The following GNB1L variants were observed in gnomAD, a reference collection of about 807,000 sequenced individuals.
The protein encoded by GNB1L is G protein subunit beta 1 like.
GNB1L carries 20 observed loss-of-function variants against 29.1 expected under a neutral mutation model. That is an observed-to-expected ratio of 0.69 (90% CI 0.48 to 1.00). The LOEUF is 1.00. GNB1L is among the 50% of genes least tolerant of loss of function. The probability of loss-of-function intolerance (pLI) is 0.00; values close to 1 mark genes in which losing one functional copy is unlikely to be tolerated. For synonymous variants in GNB1L, 193 were observed against 206.5 expected (o/e 0.93, Z 0.56); for missense variants, 421 against 464.9 (o/e 0.91, Z 0.87).
chr22:19,831,003 G>T (rs1937671512), intron 2 of GNB1L, among the ~76,000 whole-genome samples: 1 of 152,156 alleles, frequency 6.6e-6, no homozygotes, highest in African/African-American at 2.4e-5. Context: ...GTGGATCTGG[G>T]ATCCATATGT....
chr22:19,820,937 G>A (rs1038779090), intron 3 of GNB1L, among the ~76,000 whole-genome samples: 1 of 152,214 alleles, frequency 6.6e-6, no homozygotes, highest in Non-Finnish European at 1.5e-5. Context: ...AGCCTCTAGG[G>A]GTAACTCAGG....
intron 4 of GNB1L, among the ~76,000 whole-genome samples, chr22:19,815,478 G>T (rs192016753): frequency 5.9e-5 from 9 of 152,318 alleles, no homozygotes; most frequent in African/African-American, 2.2e-4. Context: ...ATGGGGAGGG[G>T]CCAGGGCCAA....
chr22:19,839,576 C>G (rs1247690224), intron 2 of GNB1L, among the ~76,000 whole-genome samples: 1 of 151,770 alleles, frequency 6.6e-6, no homozygotes, highest in African/African-American at 2.4e-5. Context: ...GACCCTGTCT[C>G]TACAAAAAAT....
At position 19,850,741 on chromosome 22, in the gene GNB1L, G is replaced by A. The variant is rs947388224; in HGVS notation, c.-21+3702C>T. The A allele has an allele frequency of 3.2e-6, 4 of 1,240,980 alleles. No individual in the cohort carries two copies. In the African/African-American group the frequency reaches 4.6e-5, roughly 14 times the overall value. The allele number at this position is 1,240,980 out of a possible 1,614,324, so 76.9% of individuals were successfully genotyped here. ...GGACAGACACAGAAACCCCATACAG[G>A]AACGAGGTCCCAACAGGGCAGACGT... On this transcript the variant is annotated intron_variant, in intron 2 of 7. Transcript: ENST00000329517.
intron 2 of GNB1L, chr22:19,848,563 C>G (rs1389591519): frequency 2.0e-6 from 2 of 985,390 alleles, no homozygotes. Context: ...GAAACCTGGA[C>G]ATCACCACTT....
At chr22:19,839,558 C>T (rs935481438) in intron 2 of GNB1L, among the ~76,000 whole-genome samples, 4 of 152,078 alleles carry the variant, frequency 2.6e-5, no homozygotes, top group Non-Finnish European at 4.4e-5. Context: ...GCCTGGGCAA[C>T]ACAGGGAGAC....
chr22:19,846,515 A>G (rs796420167), intron 2 of GNB1L: 2 of 985,480 alleles, frequency 2.0e-6, no homozygotes, highest in African/African-American at 3.5e-5. Flanking sequence ...AAGCCTGCCC[A>G]ATATAGCGCT....
At chr22:19,851,901 G>T in intron 2 of GNB1L, 1 of 1,614,106 alleles carries the variant, frequency 6.2e-7, no homozygotes, top group Non-Finnish European at 8.5e-7. Context: ...TAATCGCCCA[G>T]CTGGGCCAAG....
At chr22:19,803,426 C>T (rs1037313612) in intron 6 of GNB1L, among the ~76,000 whole-genome samples, 2 of 152,140 alleles carry the variant, frequency 1.3e-5, no homozygotes, top group Admixed American at 6.5e-5. Context: ...CCAGAGTCCA[C>T]ATTGTCCCTG....
In GNB1L at chr22:19,796,214, T is replaced by A. The variant is rs187984736; in HGVS notation, c.732+5787A>T. On this transcript the variant is annotated intron_variant, in intron 7 of 7. Transcript: ENST00000329517. ...GACCTCATTCACCAGGAAATCACCA[T>A]TTTAAACTGGCATGTTCCCAGGCCA... Among the ~76,000 whole-genome samples, 353 of 152,348 alleles carry A rather than the reference T, an allele frequency of 2.3e-3. 1 individual carries two copies. Among genetic ancestry groups the A allele is most frequent in the African/African-American group, 7.8e-3 (326 of 41,568 alleles).
In GNB1L at chr22:19,812,432, C is replaced by T. The variant is rs772191755; in HGVS notation, c.270G>A (p.Leu90=). The T allele has an allele frequency of 6.2e-7, 1 of 1,612,812 alleles. No individual in the cohort carries two copies. Among genetic ancestry groups the T allele is most frequent in the African/African-American group, 1.3e-5 (1 of 75,060 alleles). The part of the protein sequence containing the change: ...GRQLLSQGRD[L]KLCLWDLAEG... ...CCGCGAGGTCCCACAGGCACAGCTT[C>T]AGGTCCCGGCCCTGACTGCCAGACA... is the stretch of plus-strand genomic sequence containing the variant. The change falls in exon 5 of 8, where the codon CTG becomes CTA. Residue 90 remains leucine (L), a synonymous_variant. Transcript: ENST00000329517.
intron 2 of GNB1L, chr22:19,852,492 C>T (rs1390923160): frequency 1.8e-6 from 1 of 558,384 alleles, no homozygotes; most frequent in East Asian, 3.0e-5. Flanking sequence ...GCAATCTGTC[C>T]AAAGACAAGG....
At chr22:19,841,703 C>T (rs1169646581) in intron 2 of GNB1L, among the ~76,000 whole-genome samples, 1 of 152,188 alleles carries the variant, frequency 6.6e-6, no homozygotes, top group Non-Finnish European at 1.5e-5. Context: ...AAATAATTTA[C>T]TATCTTATTT....
chr22:19,813,820 C>T (rs1436510843), intron 4 of GNB1L, among the ~76,000 whole-genome samples: 2 of 151,980 alleles, frequency 1.3e-5, no homozygotes, highest in Admixed American at 6.6e-5. Context: ...AATAGTGAGA[C>T]CCCTGTTTCT....
intron 2 of GNB1L, among the ~76,000 whole-genome samples, chr22:19,853,126 T>A (rs1306672408): frequency 1.3e-5 from 2 of 151,958 alleles, no homozygotes; most frequent in Non-Finnish European, 2.9e-5. Context: ...CTTTCCAAAT[T>A]CACCTCTCAC....
At chr22:19,794,894 T>C (rs1331704586) in intron 7 of GNB1L, among the ~76,000 whole-genome samples, 1 of 152,076 alleles carries the variant, frequency 6.6e-6, no homozygotes, top group Non-Finnish European at 1.5e-5. Context: ...GGCAGGAGAA[T>C]CACTTGAACC....
chr22:19,848,452 T>C (rs1437762384), intron 2 of GNB1L: 3 of 985,370 alleles, frequency 3.0e-6, no homozygotes, highest in African/African-American at 3.5e-5. Flanking sequence ...AAGCAGGTGC[T>C]GCAGCAGCTG....
intron 2 of GNB1L, chr22:19,848,287 T>C (rs1384847307): frequency 1.0e-6 from 1 of 985,302 alleles, no homozygotes; most frequent in African/African-American, 1.7e-5. Flanking sequence ...CCATGGCCCG[T>C]CCCTGAGCAT....
At position 19,814,579 on chromosome 22, in the gene GNB1L, G is replaced by C. The variant is rs117169536; in HGVS notation, c.255-2132C>G. Among the ~76,000 whole-genome samples, 1,177 of 152,276 alleles carry C rather than the reference G, an allele frequency of 7.7e-3. 23 individuals carry two copies. In the South Asian group the frequency reaches 0.086, roughly 11 times the overall value. ...TGCCCCAGTGACCAGGGTTGTCCCCGGCAAGCCATGGGCCATCAGGGACCC... is the reference window on the plus strand; with the variant it reads ...TGCCCCAGTGACCAGGGTTGTCCCCCGCAAGCCATGGGCCATCAGGGACCC... On this transcript the variant is annotated intron_variant, in intron 4 of 7. Coordinates refer to ENST00000329517, the MANE Select transcript of GNB1L (RefSeq NM_053004.3).
Sources: allele counts gnomAD v4.1 joint callset (sites outside exome capture counted in the v4.1 genomes callset), GRCh38; gene constraint gnomAD v4.1.1; transcripts MANE v1.5; gene names NCBI Gene and HGNC (gene_info 2026-07-23, HGNC 2026-07-21).